The following ZC3HAV1 variants were observed in gnomAD, a reference collection of about 807,000 sequenced individuals.
ZC3HAV1 encodes zinc finger CCCH-type containing, antiviral 1.
Under a neutral mutation model 86.6 loss-of-function variants are expected in ZC3HAV1, and 41 were observed. The ratio of observed to expected loss-of-function variants is 0.47; its 90% CI spans 0.37 to 0.61. The LOEUF (loss-of-function observed/expected upper bound fraction) is 0.61. ZC3HAV1 is among the 20% of genes least tolerant of loss of function. The pLI, the probability that ZC3HAV1 is intolerant of heterozygous loss-of-function variation, is 0.00. For missense variants in ZC3HAV1, 964 were observed against 1,141.1 expected, an observed-to-expected ratio of 0.84 and a Z score of 2.24; for synonymous variants, 421 against 432.1, an observed-to-expected ratio of 0.97 and a Z score of 0.32.
intron 7 of ZC3HAV1, among the ~76,000 whole-genome samples, chr7:139,072,276 G>A (rs145813423): frequency 3.9e-4 from 59 of 151,754 alleles, no homozygotes; most frequent in African/African-American, 1.4e-3. Flanking sequence ...ACCTCTGCCT[G>A]CAGGTTCAAG....
At chr7:139,069,671 T>C (rs993148268) in intron 7 of ZC3HAV1, among the ~76,000 whole-genome samples, 1 of 152,152 alleles carries the variant, frequency 6.6e-6, no homozygotes, top group African/African-American at 2.4e-5. Flanking sequence ...TCTATGTAGG[T>C]ATGAGTCCTG....
chr7:139,047,552 C>T lies in ZC3HAV1; in HGVS notation c.*42G>A. 4.3e-6 allele frequency: 7 copies of T among 1,611,428 alleles called. No homozygotes were observed. Among genetic ancestry groups the T allele is most frequent in the Non-Finnish European group, 5.9e-6 (7 of 1,179,394 alleles). ...GCGGCAATTTAGTTCTGTAAAGGAACAGAATGGTTATGGCATCCTTCTGAC... is the reference window on the plus strand; with the variant it reads ...GCGGCAATTTAGTTCTGTAAAGGAATAGAATGGTTATGGCATCCTTCTGAC... On this transcript the variant is annotated 3_prime_UTR_variant, in exon 13 of 13. Transcript: ENST00000242351.
At chr7:139,092,137 AAGGTG>A (rs555026690) in intron 1 of ZC3HAV1, among the ~76,000 whole-genome samples, 188 of 152,362 alleles carry the variant, frequency 1.2e-3, no homozygotes, top group Admixed American at 2.8e-3. Flanking sequence ...AGACTATTAC[AAGGTG>A]ATAGATGCGG....
rs1818003349 is a variant in ZC3HAV1, at chr7:139,108,523, A to G, written c.308+501T>C. ...TGGGGGTGACCGGGAAGGGAGGGAC[A>G]AGCAGAGAGACCTGCGGCTCGCTCC... On this transcript the variant is annotated intron_variant, in intron 1 of 12. Transcript: ENST00000242351. This position sits in a 1 kb window ranked among gnomAD's most constrained non-coding sequence, Gnocchi z 4.2. 6.6e-6 allele frequency among the ~76,000 whole-genome samples: 1 copy of G among 152,116 alleles called. No homozygotes were observed. Among genetic ancestry groups the G allele is most frequent in the Non-Finnish European group, 1.5e-5 (1 of 68,020 alleles).
chr7:139,083,771 G>C lies in ZC3HAV1; in HGVS notation c.697+9C>G, dbSNP rs1390608317. ...GAGTTCACACAATTGAAAAAGAAAAGGCCTTTACCTCTGGGCCCTGGGGGA... is the reference window on the plus strand; with the variant it reads ...GAGTTCACACAATTGAAAAAGAAAACGCCTTTACCTCTGGGCCCTGGGGGA... On this transcript the variant is annotated intron_variant, in intron 3 of 12. Coordinates refer to ENST00000242351, the MANE Select transcript of ZC3HAV1 (RefSeq NM_020119.4). The C allele has an allele frequency of 6.4e-7, 1 of 1,571,554 alleles. No individual in the cohort carries two copies. The highest frequency in any genetic ancestry group is 1.2e-5 in the South Asian group (1 of 85,976).
At position 139,076,334 on chromosome 7, in the gene ZC3HAV1, T is replaced by C. The variant is rs762610651; in HGVS notation, c.1649A>G (p.Glu550Gly). 6.2e-7 allele frequency: 1 copy of C among 1,614,162 alleles called. No individual in the cohort carries two copies. Among genetic ancestry groups the C allele is most frequent in the Admixed American group, 1.7e-5 (1 of 60,026 alleles). The change falls in exon 6 of 13, where the codon GAG becomes GGG. Residue 550 changes from glutamate (E) to glycine (G), a missense_variant. Transcript: ENST00000242351. ...MLIGKTWTDF[E>G]HMETIEKGYC... ...GCCTTTCTCGATCGTCTCCATGTGC[T>C]CAAAGTCCGTCCAGGTTTTACCAAT...
chr7:139,080,523 G>A (rs910058319), intron 3 of ZC3HAV1, among the ~76,000 whole-genome samples: 1 of 152,110 alleles, frequency 6.6e-6, no homozygotes, highest in African/African-American at 2.4e-5. Context: ...TCGAACTCCT[G>A]GGCTCCAGCG....
chr7:139,088,199 G>A (rs778793867), intron 2 of ZC3HAV1, among the ~76,000 whole-genome samples: 4 of 152,050 alleles, frequency 2.6e-5, no homozygotes, highest in African/African-American at 4.8e-5. Context: ...CCAGATACCA[G>A]GCTTAAACAG....
At chr7:139,083,708 CAG>C in intron 3 of ZC3HAV1, 70 bp downstream of exon 3, 2 of 1,463,462 alleles carry the variant, frequency 1.4e-6, no homozygotes, top group East Asian at 2.4e-5. Context: ...GCTTGGGTGA[CAG>C]AGAGAGACTC....
In ZC3HAV1 at chr7:139,045,004, C is replaced by G. The variant is rs1037917932; in HGVS notation, c.*2590G>C. 1 of 152,208 alleles carries G rather than the reference C, an allele frequency of 6.6e-6. No individual in the cohort carries two copies. Among genetic ancestry groups the G allele is most frequent in the Non-Finnish European group, 1.5e-5 (1 of 68,032 alleles). The allele number at this position is 152,208 out of a possible 1,614,324, so 9.4% of individuals were successfully genotyped here. On this transcript the variant is annotated 3_prime_UTR_variant, in exon 13 of 13. Transcript: ENST00000242351. ...CACATATGATCTGATCTCCTACCTTCTAAGTTCAAATTGATGCATTATAAA... is the reference window on the plus strand; with the variant it reads ...CACATATGATCTGATCTCCTACCTTGTAAGTTCAAATTGATGCATTATAAA...
chr7:139,064,565 C>T (rs919828389), intron 8 of ZC3HAV1, among the ~76,000 whole-genome samples: 1 of 152,176 alleles, frequency 6.6e-6, no homozygotes, highest in South Asian at 2.1e-4. Context: ...AGCTGCCCAC[C>T]CAGAATCAGA....
intron 10 of ZC3HAV1, among the ~76,000 whole-genome samples, 154 bp downstream of exon 10, chr7:139,055,051 A>G (rs1328802257): frequency 6.6e-6 from 1 of 152,134 alleles, no homozygotes; most frequent in Admixed American, 6.6e-5. Flanking sequence ...CGGCCTCCCA[A>G]AATGCTAGGA....
At chr7:139,077,076 A>G (rs1816974312) in intron 5 of ZC3HAV1, among the ~76,000 whole-genome samples, 1 of 152,124 alleles carries the variant, frequency 6.6e-6, no homozygotes, top group Admixed American at 6.5e-5. Flanking sequence ...CCTGGCCTAC[A>G]GTTCATCTCT....
chr7:139,062,544 A>T (rs897756289), intron 8 of ZC3HAV1, among the ~76,000 whole-genome samples: 8 of 152,190 alleles, frequency 5.3e-5, no homozygotes, highest in Non-Finnish European at 1.2e-4. Flanking sequence ...TCATTTTCTC[A>T]GTAACTGTTA....
intron 1 of ZC3HAV1, among the ~76,000 whole-genome samples, chr7:139,091,923 G>C (rs1487646670): frequency 6.6e-6 from 1 of 152,140 alleles, no homozygotes; most frequent in Non-Finnish European, 1.5e-5. Context: ...TTAGGAGTCC[G>C]TTTATTTAGC....
intron 3 of ZC3HAV1, among the ~76,000 whole-genome samples, chr7:139,082,611 A>T (rs1240126974): frequency 6.6e-6 from 1 of 152,204 alleles, no homozygotes; most frequent in Non-Finnish European, 1.5e-5. Context: ...CCATCGACAG[A>T]TGAATGGATA....
chr7:139,104,405 A>C (rs2130741125), intron 1 of ZC3HAV1, among the ~76,000 whole-genome samples: 1 of 152,292 alleles, frequency 6.6e-6, no homozygotes, highest in Middle Eastern at 3.4e-3. Flanking sequence ...GTTACTGGAC[A>C]ATGTAAGTAG....
At chr7:139,060,170 A>AT (rs767491388) in intron 9 of ZC3HAV1, among the ~76,000 whole-genome samples, 21 of 152,216 alleles carry the variant, frequency 1.4e-4, no homozygotes, top group Non-Finnish European at 2.9e-4. Context: ...GTTGTTTTCC[A>AT]TATGACTTCA....
chr7:139,101,488 G>T (rs1384040195), intron 1 of ZC3HAV1, among the ~76,000 whole-genome samples: 13 of 104,462 alleles, frequency 1.2e-4, no homozygotes, highest in Non-Finnish European at 1.3e-4. Flanking sequence ...GCCTCAGCCC[G>T]GCCACCACCC....
Sources: gnomAD v4.1 joint callset for allele counts (sites outside exome capture counted in the v4.1 genomes callset) on GRCh38, gnomAD v4.1.1 for gene constraint, Gnocchi (gnomAD v3.1) non-coding constraint, MANE v1.5 for transcripts, NCBI Gene and HGNC (gene_info 2026-07-23, HGNC 2026-07-21) for gene names.